Variants in GABRG2 observed in about 807,000 individuals in gnomAD.
GABRG2 encodes gamma-aminobutyric acid receptor subunit gamma-2.
Under a neutral mutation model 56.4 loss-of-function variants are expected in GABRG2, and 16 were observed. The observed-to-expected ratio is 0.28, with a 90% CI of 0.19 to 0.43. GABRG2 has a LOEUF of 0.43. Among genes scored for constraint, GABRG2 ranks in the 20% least tolerant of loss-of-function variants. The pLI is 1.00. For synonymous variants in GABRG2, 208 were observed against 205.5 expected (o/e 1.01, Z -0.10); for missense variants, 327 against 582.7 (o/e 0.56, Z 4.52).
Position 162,095,436 on chromosome 5 carries a change from TA to T in GABRG2, c.260-55del. 2.9e-6 allele frequency: 3 copies of T among 1,027,632 alleles called. No homozygotes were observed. The South Asian group carries it at 3.9e-5, about 14-fold the overall frequency. 63.7% of individuals were successfully genotyped at this position (1,027,632 alleles called of 1,614,324 possible). ...TAAATCTATTCTAGAAAACAAAGAT[TA>T]AAACATTAAAATCTTGCACCTCTCT... is the stretch of plus-strand genomic sequence containing the variant. On this transcript the variant is annotated intron_variant, in intron 2 of 9. Coordinates refer to ENST00000639213, the MANE Select transcript of GABRG2 (RefSeq NM_198904.4).
At chr5:162,146,189 G>T (rs538190245) in intron 7 of GABRG2, among the ~76,000 whole-genome samples, 1 of 151,990 alleles carries the variant, frequency 6.6e-6, no homozygotes, top group Non-Finnish European at 1.5e-5. Context: ...TCTACAATAG[G>T]TCCCATCTGT....
At chr5:162,149,669 A>C in intron 8 of GABRG2, 1 of 594,634 alleles carries the variant, frequency 1.7e-6, no homozygotes, top group South Asian at 1.5e-5. Context: ...GCTGGAGTGC[A>C]GTGGCGGGAT....
At chr5:162,081,606 A>G (rs1280074687) in intron 1 of GABRG2, among the ~76,000 whole-genome samples, 1 of 152,004 alleles carries the variant, frequency 6.6e-6, no homozygotes, top group Non-Finnish European at 1.5e-5. Context: ...TTAGCATAAT[A>G]CTTTTGAGAT....
chr5:162,135,217 C>A (rs1453687950), intron 6 of GABRG2, among the ~76,000 whole-genome samples: 1 of 152,024 alleles, frequency 6.6e-6, no homozygotes, highest in African/African-American at 2.4e-5. Context: ...GATTTCCCTT[C>A]TCTCTTTTTT....
intron 1 of GABRG2, among the ~76,000 whole-genome samples, chr5:162,082,004 C>T (rs981048697): frequency 1.1e-4 from 17 of 151,788 alleles, no homozygotes; most frequent in East Asian, 3.9e-4. Context: ...GAAATGCTTA[C>T]GTAAAAAATG....
At chr5:162,106,388 G>T (rs1465391144) in intron 6 of GABRG2, among the ~76,000 whole-genome samples, 1 of 152,088 alleles carries the variant, frequency 6.6e-6, no homozygotes, top group Non-Finnish European at 1.5e-5. Flanking sequence ...ATTTCAACGG[G>T]CTCGGTGACG....
At chr5:162,088,169 G>A (rs1039670168) in intron 1 of GABRG2, among the ~76,000 whole-genome samples, 1 of 152,052 alleles carries the variant, frequency 6.6e-6, no homozygotes, top group Non-Finnish European at 1.5e-5. Flanking sequence ...CGCCCCAATG[G>A]CCCCATCCAT....
intron 6 of GABRG2, among the ~76,000 whole-genome samples, chr5:162,114,815 G>T (rs1368045093): frequency 6.6e-6 from 1 of 152,122 alleles, no homozygotes; most frequent in Non-Finnish European, 1.5e-5. Flanking sequence ...GATGGATTTT[G>T]AATAAAAATA....
intron 6 of GABRG2, among the ~76,000 whole-genome samples, chr5:162,104,613 T>C (rs1321571595): frequency 2.0e-5 from 3 of 152,108 alleles, no homozygotes. Flanking sequence ...AAAAATTGCA[T>C]CACAGGAAGA....
At chr5:162,121,603 T>A (rs1762983393) in intron 6 of GABRG2, among the ~76,000 whole-genome samples, 1 of 152,068 alleles carries the variant, frequency 6.6e-6, no homozygotes, top group Non-Finnish European at 1.5e-5. Flanking sequence ...GCTCTTTTTG[T>A]ATTTGATAAG....
chr5:162,132,019 A>G (rs1415600478), intron 6 of GABRG2, among the ~76,000 whole-genome samples: 1 of 151,730 alleles, frequency 6.6e-6, no homozygotes, highest in African/African-American at 2.4e-5. Context: ...AGAAAATAAA[A>G]AATGGTGGTA....
intron 1 of GABRG2, among the ~76,000 whole-genome samples, chr5:162,093,346 T>A (rs1760752057): frequency 6.6e-6 from 1 of 152,208 alleles, no homozygotes; most frequent in South Asian, 2.1e-4. Flanking sequence ...GTGTTCAAGT[T>A]AGCGGGGAGA....
At chr5:162,103,828 T>C (rs1761610778) in intron 5 of GABRG2, 61 bp from the exon 6 acceptor site, 2 of 1,574,248 alleles carry the variant, frequency 1.3e-6, no homozygotes, top group African/African-American at 1.4e-5. Flanking sequence ...TCATAGAAGA[T>C]GGTTGCTACA....
At chr5:162,096,605 G>A (rs1761014570) in intron 3 of GABRG2, among the ~76,000 whole-genome samples, 1 of 149,542 alleles carries the variant, frequency 6.7e-6, no homozygotes, top group Admixed American at 6.6e-5. Flanking sequence ...TGATGAACAA[G>A]GGTGGAATGA....
In GABRG2 at chr5:162,098,085, A is replaced by T; in HGVS notation, c.548+227A>T. ...TTATAGGCAAAGCTTATTTTCCACA[A>T]CTGCTGTGAAAACTATTTTTTGTCA... On this transcript the variant is annotated intron_variant, in intron 4 of 9. Coordinates refer to ENST00000639213, the MANE Select transcript of GABRG2 (RefSeq NM_198904.4). The T allele has an allele frequency of 5.4e-6, 3 of 553,334 alleles. No homozygotes were observed. The South Asian group carries it at 6.5e-5, about 12-fold the overall frequency. The allele number at this position is 553,334 out of a possible 1,614,324, so 34.3% of individuals were successfully genotyped here. A position where few individuals can be genotyped will look rare whatever the true frequency, so the allele number is the denominator to read the frequency against.
chr5:162,137,499 T>C (rs564393275), intron 6 of GABRG2, among the ~76,000 whole-genome samples: 15 of 152,298 alleles, frequency 9.8e-5, no homozygotes, highest in Admixed American at 7.8e-4. Context: ...CTTCTGAAGT[T>C]GAGTTTTCAA....
At chr5:162,084,623 G>A (rs1181386891) in intron 1 of GABRG2, among the ~76,000 whole-genome samples, 2 of 151,664 alleles carry the variant, frequency 1.3e-5, no homozygotes, top group Non-Finnish European at 2.9e-5. Flanking sequence ...ATACAGCCAG[G>A]GATAAGAGTG....
rs116034307 is a variant in GABRG2, at chr5:162,097,223, G to A, written c.328-415G>A. ...AGGCAATTTTAGTTGTCATTACTTGGCAGGATTGAGTATGGGTTTGGGGTT... is the reference window on the plus strand; with the variant it reads ...AGGCAATTTTAGTTGTCATTACTTGACAGGATTGAGTATGGGTTTGGGGTT... On this transcript the variant is annotated intron_variant, in intron 3 of 9. Coordinates refer to ENST00000639213, the MANE Select transcript of GABRG2 (RefSeq NM_198904.4). Among the ~76,000 whole-genome samples, 581 of 152,238 alleles carry A rather than the reference G, an allele frequency of 3.8e-3. 1 individual carries two copies. Among genetic ancestry groups the A allele is most frequent in the Non-Finnish European group, 6.1e-3 (415 of 68,030 alleles).
chr5:162,146,095 G>A (rs1373784016), intron 7 of GABRG2, among the ~76,000 whole-genome samples: 1 of 151,958 alleles, frequency 6.6e-6, no homozygotes. Flanking sequence ...CTCCCAGTTT[G>A]TAGATGAGGA....
Sources: allele counts gnomAD v4.1 joint callset (sites outside exome capture counted in the v4.1 genomes callset), GRCh38; gene constraint gnomAD v4.1.1; transcripts MANE v1.5; gene names NCBI Gene and HGNC (gene_info 2026-07-23, HGNC 2026-07-21).